Variants in SLC25A42 observed in about 807,000 individuals in gnomAD.
SLC25A42 encodes solute carrier family 25 member 42, also known as mitochondrial coenzyme A transporter SLC25A42.
Under a neutral mutation model 34.7 loss-of-function variants are expected in SLC25A42, and 19 were observed. The ratio of observed to expected loss-of-function variants is 0.55; its 90% CI spans 0.38 to 0.80. The LOEUF (loss-of-function observed/expected upper bound fraction) is 0.80, where lower values mean the gene tolerates loss of function less well. Among genes scored for constraint, SLC25A42 ranks in the 30% least tolerant of loss-of-function variants. SLC25A42 has a pLI of 0.00. For missense variants in SLC25A42, 364 were observed against 441.3 expected (o/e 0.82, Z 1.57); for synonymous variants, 205 against 191.2 (o/e 1.07, Z -0.59).
At chr19:19,080,030 C>T (rs548436048) in intron 1 of SLC25A42, among the ~76,000 whole-genome samples, 1 of 152,332 alleles carries the variant, frequency 6.6e-6, no homozygotes, top group East Asian at 1.9e-4. Context: ...ACACCAGTTT[C>T]TCCACTTGCT....
At position 19,110,746 on chromosome 19, in the gene SLC25A42, G is replaced by T. The variant is rs200692918; in HGVS notation, c.827G>T (p.Arg276Leu). 2 of 1,612,356 alleles carry T rather than the reference G, an allele frequency of 1.2e-6. No individual in the cohort carries two copies. The highest frequency in any genetic ancestry group is 1.7e-5 in the Admixed American group (1 of 59,950). ...SIARTLRTIV[R>L]EEGAVRGLYK... Reference sequence around the variant, plus strand: ...GCCCGCACGCTGCGCACCATCGTGCGGGAGGAGGGCGCCGTGCGCGGCCTC... The same window carrying T: ...GCCCGCACGCTGCGCACCATCGTGCTGGAGGAGGGCGCCGTGCGCGGCCTC... Residue 276 changes from arginine to leucine, a missense_variant, in exon 8 of 8, where the codon CGG becomes CTG. Physicochemically the swap from Arg to Leu is moderately radical, Grantham distance 102 (BLOSUM62 -2). Coordinates refer to ENST00000318596, the MANE Select transcript of SLC25A42 (RefSeq NM_178526.5).
chr19:19,094,527 C>T (rs916451609), intron 1 of SLC25A42, among the ~76,000 whole-genome samples: 8 of 152,170 alleles, frequency 5.3e-5, no homozygotes, highest in African/African-American at 1.9e-4. Context: ...GCTCTAGGCT[C>T]TTCCTTTCTC....
At chr19:19,090,629 G>C (rs1327663383) in intron 1 of SLC25A42, among the ~76,000 whole-genome samples, 4 of 151,988 alleles carry the variant, frequency 2.6e-5, no homozygotes, top group Non-Finnish European at 4.4e-5. Flanking sequence ...AGACCAGCCT[G>C]GGTGAGACCC....
chr19:19,066,154 G>A (rs1287620257), intron 1 of SLC25A42, among the ~76,000 whole-genome samples: 1 of 152,198 alleles, frequency 6.6e-6, no homozygotes. Context: ...ACCACACCCG[G>A]CCTATTATAT....
chr19:19,102,531 G>A (rs1032748832), intron 3 of SLC25A42, among the ~76,000 whole-genome samples: 1 of 151,872 alleles, frequency 6.6e-6, no homozygotes, highest in Non-Finnish European at 1.5e-5. Flanking sequence ...ATCACTTGAG[G>A]TCAGGAGTTT....
intron 1 of SLC25A42, among the ~76,000 whole-genome samples, chr19:19,068,612 G>A (rs1323752972): frequency 6.6e-6 from 1 of 152,010 alleles, no homozygotes; most frequent in Non-Finnish European, 1.5e-5. Flanking sequence ...AGGTTGCAGC[G>A]AGCCAAGATC....
intron 3 of SLC25A42, among the ~76,000 whole-genome samples, chr19:19,104,256 G>A (rs1033820130): frequency 1.3e-5 from 2 of 152,148 alleles, no homozygotes. Flanking sequence ...GCAGGGTGTT[G>A]TGTTCTGCAG....
chr19:19,068,502 AC>A (rs1269909521), intron 1 of SLC25A42, among the ~76,000 whole-genome samples: 1 of 151,962 alleles, frequency 6.6e-6, no homozygotes, highest in East Asian at 1.9e-4. Flanking sequence ...CCCCGTCTCT[AC>A]TAAAAATACA....
At chr19:19,084,930 C>CA (rs796897868) in intron 1 of SLC25A42, among the ~76,000 whole-genome samples, 8,798 of 93,920 alleles carry the variant, frequency 0.094, 340 homozygotes, top group Middle Eastern at 0.21. Context: ...GACCCCATCT[C>CA]AAAAAAAAAA....
chr19:19,074,911 G>A (rs11671435), intron 1 of SLC25A42, among the ~76,000 whole-genome samples: 5 of 152,134 alleles, frequency 3.3e-5, no homozygotes, highest in South Asian at 2.1e-4. Flanking sequence ...AACACTTTGG[G>A]AGGCAGAGGC....
Position 19,112,430 on chromosome 19 carries a change from G to C in SLC25A42, c.*1554G>C, listed in dbSNP as rs750915836. The C allele has an allele frequency of 1.3e-5, 2 of 152,358 alleles. No homozygotes were observed. The highest frequency in any genetic ancestry group is 2.9e-5 in the Non-Finnish European group (2 of 68,126). 9.4% of individuals were successfully genotyped at this position (152,358 alleles called of 1,614,324 possible). On this transcript the variant is annotated 3_prime_UTR_variant, in exon 8 of 8. Coordinates refer to ENST00000318596, the MANE Select transcript of SLC25A42 (RefSeq NM_178526.5). This position sits in a 1 kb window ranked among gnomAD's most constrained non-coding sequence, Gnocchi z 4.3. The stretch of plus-strand genomic sequence containing the variant: ...GCTGTGAGGGGCTGTCCCACTGTGT[G>C]GGTATCCCTTACCCAGCACTTAAAC...
chr19:19,104,234 G>A (rs919029450), intron 3 of SLC25A42, among the ~76,000 whole-genome samples: 11 of 152,170 alleles, frequency 7.2e-5, no homozygotes, highest in Admixed American at 2.6e-4. Flanking sequence ...CTTTAAGTGC[G>A]CATGAGCAGG....
At chr19:19,074,399 T>G (rs2059645547) in intron 1 of SLC25A42, among the ~76,000 whole-genome samples, 1 of 152,194 alleles carries the variant, frequency 6.6e-6, no homozygotes, top group Non-Finnish European at 1.5e-5. Flanking sequence ...GAAAACAGCC[T>G]TTATCGGCTG....
At chr19:19,103,803 G>A (rs1213105524) in intron 3 of SLC25A42, among the ~76,000 whole-genome samples, 3 of 152,150 alleles carry the variant, frequency 2.0e-5, no homozygotes, top group African/African-American at 4.8e-5. Flanking sequence ...TTCCTCCTCC[G>A]TAAAGTGGAG....
chr19:19,083,450 G>A (rs527323900), intron 1 of SLC25A42, among the ~76,000 whole-genome samples: 1 of 152,348 alleles, frequency 6.6e-6, no homozygotes, highest in African/African-American at 2.4e-5. Flanking sequence ...GCCCATTATG[G>A]TGGTCCTTAA....
intron 1 of SLC25A42, among the ~76,000 whole-genome samples, chr19:19,094,654 A>G (rs1236481455): frequency 2.0e-5 from 3 of 152,206 alleles, no homozygotes; most frequent in Admixed American, 6.5e-5. Context: ...CACTTTGTAC[A>G]GCGTCACTCA....
chr19:19,098,933 A>G (rs2062765678), intron 2 of SLC25A42, among the ~76,000 whole-genome samples: 1 of 152,192 alleles, frequency 6.6e-6, no homozygotes, highest in African/African-American at 2.4e-5. Flanking sequence ...AAAAACAAAC[A>G]AAACGACAAA....
intron 1 of SLC25A42, among the ~76,000 whole-genome samples, chr19:19,067,908 C>T (rs2059610517): frequency 6.6e-6 from 1 of 152,074 alleles, no homozygotes; most frequent in Admixed American, 6.6e-5. Flanking sequence ...ACGTGTCATA[C>T]AGTTTTTTTT....
chr19:19,108,056 C>T lies in SLC25A42; in HGVS notation c.649+11C>T. 6.5e-7 allele frequency: 1 copy of T among 1,544,970 alleles called. No homozygotes were observed. The highest frequency in any genetic ancestry group is 8.8e-7 in the Non-Finnish European group (1 of 1,142,830). The stretch of plus-strand genomic sequence containing the variant: ...AGAGCTTGCACAGAGGTAAGGAGAG[C>T]TGGGAGCATGAGGAGGGGACGTTCA... On this transcript the variant is annotated intron_variant, in intron 7 of 7. Coordinates refer to ENST00000318596, the MANE Select transcript of SLC25A42 (RefSeq NM_178526.5).
Sources: allele counts gnomAD v4.1 joint callset (sites outside exome capture counted in the v4.1 genomes callset), GRCh38; gene constraint gnomAD v4.1.1; non-coding constraint Gnocchi (gnomAD v3.1); transcripts MANE v1.5; gene names NCBI Gene and HGNC (gene_info 2026-07-23, HGNC 2026-07-21).